PAG1: variants seen among roughly 807,000 people sequenced by gnomAD.
PAG1 encodes the protein phosphoprotein associated with glycosphingolipid-enriched microdomains 1.
In PAG1, 23 loss-of-function variants were observed where a neutral mutation model predicts 31.7. That is an observed-to-expected ratio of 0.73 (90% CI 0.52 to 1.03). The LOEUF (loss-of-function observed/expected upper bound fraction) is 1.03. Ranked by LOEUF, PAG1 falls within the 50% of genes least tolerant of loss-of-function variation. PAG1 has a pLI of 0.00. For missense variants in PAG1, 473 were observed against 540.7 expected (o/e 0.87, Z 1.24); for synonymous variants, 214 against 210.3 (o/e 1.02, Z -0.15).
rs543845652 is a variant in PAG1, at chr8:81,069,426, G to A, written c.-175+686C>T. On this transcript the variant is annotated intron_variant, in intron 2 of 8. Transcript: ENST00000220597. Reference sequence around the variant, plus strand: ...TGTAAAATAAATCTTTCAAATGGGTGGACATAGTGCTTCGAAGTCCAGGAT... The same window carrying A: ...TGTAAAATAAATCTTTCAAATGGGTAGACATAGTGCTTCGAAGTCCAGGAT... 2.0e-5 allele frequency among the ~76,000 whole-genome samples: 3 copies of A among 152,240 alleles called. No individual in the cohort carries two copies. The South Asian group carries it at 6.2e-4, about 32-fold the overall frequency.
At position 81,014,724 on chromosome 8, in the gene PAG1, C is replaced by CA. The variant is rs144501428; in HGVS notation, c.-81+15271dup. 6.8e-3 allele frequency among the ~76,000 whole-genome samples: 1,037 copies of CA among 152,224 alleles called. 8 individuals are homozygous for CA. Among genetic ancestry groups the CA allele is most frequent in the African/African-American group, 0.024 (997 of 41,530 alleles). ...AGCTTCAGAAGCTTCCCCTGTCACTCAGAGAGGAAGAAAGTGAGAGACATG... is the reference window on the plus strand; with the variant it reads ...AGCTTCAGAAGCTTCCCCTGTCACTCAAGAGAGGAAGAAAGTGAGAGACATG... On this transcript the variant is annotated intron_variant, in intron 3 of 8. Coordinates refer to ENST00000220597, the MANE Select transcript of PAG1 (RefSeq NM_018440.4).
chr8:80,976,940 A>C (rs371238832), intron 8 of PAG1, 34 bp from the exon 9 acceptor site: 11 of 1,560,028 alleles, frequency 7.1e-6, no homozygotes, highest in African/African-American at 1.4e-5. Flanking sequence ...ATAAACTTCC[A>C]GCTGTGACTT....
At chr8:81,009,326 T>C (rs892308310) in intron 3 of PAG1, among the ~76,000 whole-genome samples, 1 of 152,226 alleles carries the variant, frequency 6.6e-6, no homozygotes, top group Non-Finnish European at 1.5e-5. Context: ...CCATGGACTA[T>C]TCCTTTATAG....
intron 1 of PAG1, among the ~76,000 whole-genome samples, chr8:81,093,757 GC>G (rs1809484188): frequency 6.6e-6 from 1 of 152,034 alleles, no homozygotes; most frequent in Admixed American, 6.6e-5. Flanking sequence ...ACACGCAGTA[GC>G]AACTGAATTT....
chr8:81,095,230 C>G (rs1809511774), intron 1 of PAG1, among the ~76,000 whole-genome samples: 1 of 152,198 alleles, frequency 6.6e-6, no homozygotes, highest in Non-Finnish European at 1.5e-5. Flanking sequence ...GGACAGAGGA[C>G]AGAGGACAAA....
chr8:81,053,255 T>C (rs1808761809), intron 2 of PAG1, among the ~76,000 whole-genome samples: 1 of 152,232 alleles, frequency 6.6e-6, no homozygotes, highest in Admixed American at 6.5e-5. Context: ...AGAGATTTAA[T>C]TTTAAAACAT....
chr8:81,000,416 G>A (rs1277764796), intron 3 of PAG1, among the ~76,000 whole-genome samples: 1 of 152,134 alleles, frequency 6.6e-6, no homozygotes, highest in African/African-American at 2.4e-5. Flanking sequence ...GTGTCTTAAG[G>A]CAAATCCTTT....
chr8:81,004,906 A>T (rs576372397), intron 3 of PAG1, among the ~76,000 whole-genome samples: 1 of 152,330 alleles, frequency 6.6e-6, no homozygotes, highest in East Asian at 1.9e-4. Context: ...AGCCAGGGCC[A>T]GCCGGCCTCT....
At chr8:81,104,737 G>A (rs867080539) in intron 1 of PAG1, among the ~76,000 whole-genome samples, 8 of 152,038 alleles carry the variant, frequency 5.3e-5, no homozygotes, top group Middle Eastern at 6.8e-3. Flanking sequence ...ATGTCCCCAC[G>A]CTTATCAGTG....
At chr8:80,978,307 C>T (rs1343006455) in intron 8 of PAG1, among the ~76,000 whole-genome samples, 8 of 152,096 alleles carry the variant, frequency 5.3e-5, no homozygotes, top group African/African-American at 1.9e-4. Context: ...AAAAACTGCT[C>T]TCAGAATACA....
intron 2 of PAG1, among the ~76,000 whole-genome samples, chr8:81,068,692 G>A (rs981979160): frequency 6.6e-6 from 1 of 152,128 alleles, no homozygotes; most frequent in African/African-American, 2.4e-5. Context: ...AGATGTTGTA[G>A]GTACTAAAAT....
chr8:81,016,643 C>T (rs1176152464), intron 3 of PAG1, among the ~76,000 whole-genome samples: 1 of 152,212 alleles, frequency 6.6e-6, no homozygotes, highest in Non-Finnish European at 1.5e-5. Context: ...CTGAAGTTTT[C>T]TACCTGTGGT....
chr8:81,107,855 C>A (rs1809717574), intron 1 of PAG1, among the ~76,000 whole-genome samples: 1 of 152,206 alleles, frequency 6.6e-6, no homozygotes, highest in South Asian at 2.1e-4. Context: ...TGTATAACCT[C>A]CCAATGTGCC....
chr8:81,090,644 T>C (rs542574913), intron 1 of PAG1, among the ~76,000 whole-genome samples: 2 of 152,270 alleles, frequency 1.3e-5, no homozygotes, highest in Admixed American at 1.3e-4. Context: ...GTTGAGGTGG[T>C]TGGCCAATCA....
At chr8:80,996,124 G>A (rs1474122902) in intron 3 of PAG1, among the ~76,000 whole-genome samples, 1 of 152,272 alleles carries the variant, frequency 6.6e-6, no homozygotes, top group Non-Finnish European at 1.5e-5. Flanking sequence ...AAAGGCCCCA[G>A]TTGCGGGGGC....
chr8:81,030,628 C>T (rs1398993460), intron 2 of PAG1, among the ~76,000 whole-genome samples: 1 of 152,190 alleles, frequency 6.6e-6, no homozygotes. Context: ...TGTCCCTTCA[C>T]GCATTCTGCT....
chr8:81,009,634 T>A (rs1463521024), intron 3 of PAG1, among the ~76,000 whole-genome samples: 2 of 152,114 alleles, frequency 1.3e-5, no homozygotes, highest in Non-Finnish European at 2.9e-5. Flanking sequence ...ACTTTTTTTT[T>A]AAGACAAGGT....
Position 81,071,764 on chromosome 8 carries a change from G to A in PAG1, c.-233-1594C>T, listed in dbSNP as rs111456425. On this transcript the variant is annotated intron_variant, in intron 1 of 8. Coordinates refer to ENST00000220597, the MANE Select transcript of PAG1 (RefSeq NM_018440.4). ...AGTAAGTAGCACAATACAGAGAGAC[G>A]CAAGGGATAAGAGGAGTATGAACAG... Among the ~76,000 whole-genome samples, 715 of 152,322 alleles carry A rather than the reference G, an allele frequency of 4.7e-3. 3 individuals are homozygous for A. Among genetic ancestry groups the A allele is most frequent in the African/African-American group, 0.016 (662 of 41,572 alleles).
At chr8:81,045,986 T>G (rs1808634816) in intron 2 of PAG1, among the ~76,000 whole-genome samples, 1 of 152,224 alleles carries the variant, frequency 6.6e-6, no homozygotes, top group African/African-American at 2.4e-5. Flanking sequence ...CCTCACAACT[T>G]TCCTTTTGTC....
Sources: gnomAD v4.1 joint callset for allele counts (sites outside exome capture counted in the v4.1 genomes callset) on GRCh38, gnomAD v4.1.1 for gene constraint, MANE v1.5 for transcripts, NCBI Gene and HGNC (gene_info 2026-07-23, HGNC 2026-07-21) for gene names.